The following FBXW10 variants were observed in gnomAD, a reference collection of about 807,000 sequenced individuals.
The protein encoded by FBXW10 is F-box and WD repeat domain containing 10.
Under a neutral mutation model 113.1 loss-of-function variants are expected in FBXW10, and 68 were observed. That is an observed-to-expected ratio of 0.60 (90% confidence interval 0.49 to 0.74). FBXW10 has a LOEUF of 0.74. Among genes scored for constraint, FBXW10 ranks in the 30% least tolerant of loss-of-function variants. The pLI, the probability that FBXW10 is intolerant of heterozygous loss-of-function variation, is 0.00. For missense variants in FBXW10, 753 were observed against 1,284.5 expected (o/e 0.59, Z 6.32); for synonymous variants, 289 against 481.6 (o/e 0.60, Z 5.24).
At chr17:18,761,247 G>A (rs1391321292) in intron 7 of FBXW10, among the ~76,000 whole-genome samples, 1 of 151,732 alleles carries the variant, frequency 6.6e-6, no homozygotes, top group Non-Finnish European at 1.5e-5. Flanking sequence ...GACGGGGAGG[G>A]AAATTCTACT....
At chr17:18,758,626 T>A (rs2035320246) in intron 7 of FBXW10, 121 bp downstream of exon 7, 1 of 626,778 alleles carries the variant, frequency 1.6e-6, no homozygotes, top group African/African-American at 3.4e-5. Context: ...TACTGACTTC[T>A]AGAATACCTT....
In FBXW10 at chr17:18,748,005, G is replaced by A. The variant is rs564583174; in HGVS notation, c.570G>A (p.Ala190=). 18 of 1,613,738 alleles carry A rather than the reference G, an allele frequency of 1.1e-5. No individual in the cohort carries two copies. Among genetic ancestry groups the A allele is most frequent in the Middle Eastern group, 3.3e-4 (2 of 6,056 alleles). ...AGAAAGACCACAGCTCCAAGTCTGCGACCTCACAAGTCTATTGGACAGCCA... is the reference window on the plus strand; with the variant it reads ...AGAAAGACCACAGCTCCAAGTCTGCAACCTCACAAGTCTATTGGACAGCCA... The part of the protein sequence containing the change: ...SPEKDHSSKS[A]TSQVYWTAKT... Residue 190 remains alanine, a synonymous_variant, in exon 2 of 14, where the codon GCG becomes GCA. Transcript: ENST00000395665.
chr17:18,759,594 A>G (rs1356303789), intron 7 of FBXW10, among the ~76,000 whole-genome samples: 1 of 151,282 alleles, frequency 6.6e-6, no homozygotes, highest in Non-Finnish European at 1.5e-5. Context: ...CTGTTGGTGG[A>G]CATTTGCATT....
intron 13 of FBXW10, among the ~76,000 whole-genome samples, chr17:18,776,054 C>T (rs2035692446): frequency 6.6e-6 from 1 of 151,496 alleles, no homozygotes; most frequent in Non-Finnish European, 1.5e-5. Context: ...CGCGGTGGCT[C>T]ACACCTGTAA....
intron 13 of FBXW10, among the ~76,000 whole-genome samples, chr17:18,776,878 A>G (rs1255415317): frequency 6.6e-6 from 1 of 152,162 alleles, no homozygotes; most frequent in East Asian, 1.9e-4. Flanking sequence ...TACAGCTAAA[A>G]ATTGTATGAT....
At chr17:18,753,659 G>A (rs1270774381) in intron 5 of FBXW10, among the ~76,000 whole-genome samples, 1 of 152,098 alleles carries the variant, frequency 6.6e-6, no homozygotes, top group African/African-American at 2.4e-5. Flanking sequence ...GATCACCTGA[G>A]GTCAGGAGTT....
At chr17:18,761,175 C>T (rs1362478423) in intron 7 of FBXW10, among the ~76,000 whole-genome samples, 2 of 152,050 alleles carry the variant, frequency 1.3e-5, no homozygotes, top group Admixed American at 1.3e-4. Flanking sequence ...AATCAAAATC[C>T]CCCTCCTTGA....
intron 12 of FBXW10, among the ~76,000 whole-genome samples, chr17:18,774,223 G>C (rs1334739944): frequency 6.6e-6 from 1 of 152,208 alleles, no homozygotes; most frequent in Non-Finnish European, 1.5e-5. Context: ...AGAGAGTCTG[G>C]TTAATGGAAA....
chr17:18,771,797 A>G (rs2035617420), intron 11 of FBXW10, among the ~76,000 whole-genome samples: 1 of 152,204 alleles, frequency 6.6e-6, no homozygotes, highest in Non-Finnish European at 1.5e-5. Flanking sequence ...CTCCAGGAAC[A>G]GAAATTCATT....
intron 2 of FBXW10, among the ~76,000 whole-genome samples, chr17:18,748,354 T>C (rs1489633218): frequency 7.3e-6 from 1 of 136,836 alleles, no homozygotes; most frequent in Non-Finnish European, 1.5e-5. Flanking sequence ...GAGCTTGCAG[T>C]GAGCCGAGAT....
chr17:18,762,318 CTTT>C (rs879044366), intron 7 of FBXW10, among the ~76,000 whole-genome samples: 1 of 136,686 alleles, frequency 7.3e-6, no homozygotes. Flanking sequence ...AATATATTAT[CTTT>C]TTTTTTTTTT....
chr17:18,772,537 G>C lies in FBXW10; in HGVS notation c.2132G>C (p.Ser711Thr), dbSNP rs545645738. 1.3e-5 allele frequency: 21 copies of C among 1,613,942 alleles called. No homozygotes were observed. Among genetic ancestry groups the C allele is most frequent in the African/African-American group, 1.1e-4 (8 of 74,906 alleles). ...KEKEEEKEEN[S>T]LMEILSKCNI... ...AAAGAGGAGGAAAAAGAAGAAAATAGTCTCATGGAAATTCTCTCTAAGTGT... is the reference window on the plus strand; with the variant it reads ...AAAGAGGAGGAAAAAGAAGAAAATACTCTCATGGAAATTCTCTCTAAGTGT... The change falls in exon 12 of 14, where the codon AGT becomes ACT. Residue 711 changes from serine to threonine, a missense_variant. Coordinates refer to ENST00000395665, the MANE Select transcript of FBXW10 (RefSeq NM_001267585.2).
Position 18,744,627 on chromosome 17 carries a change from G to C in FBXW10, c.383G>C (p.Ser128Thr). ...GAGATCTTGTACTGGTTTGCGAACAGCACCCAGTGGACCAAGGCGAATTAT... is the reference window on the plus strand; with the variant it reads ...GAGATCTTGTACTGGTTTGCGAACACCACCCAGTGGACCAAGGCGAATTAT... The part of the protein sequence containing the change: ...MKEILYWFAN[S>T]TQWTKANYTL... Residue 128 changes from serine to threonine, a missense_variant, in exon 1 of 14, where the codon AGC becomes ACC. Coordinates refer to ENST00000395665, the MANE Select transcript of FBXW10 (RefSeq NM_001267585.2). The C allele has an allele frequency of 1.9e-6, 3 of 1,613,972 alleles. No homozygotes were observed. The highest frequency in any genetic ancestry group is 2.5e-6 in the Non-Finnish European group (3 of 1,179,876).
Position 18,756,046 on chromosome 17 carries a change from A to G in FBXW10, c.1124A>G (p.Asn375Ser), listed in dbSNP as rs771037943. 10 of 1,613,658 alleles carry G rather than the reference A, an allele frequency of 6.2e-6. No individual in the cohort carries two copies. In the African/African-American group the frequency reaches 1.2e-4, roughly 19 times the overall value. ...TAACTTCAAATATTCCCTTGTTAGA[A>G]TGAGTACAACCTGTGGACTGCATAC... Reference protein sequence around the residue: ...KHPKWKLRTKNEYNLWTAYQN... With the variant: ...KHPKWKLRTKSEYNLWTAYQN... Residue 375 changes from asparagine to serine, a missense_variant and splice_region_variant, in exon 6 of 14, where the codon AAT becomes AGT. Transcript: ENST00000395665.
intron 1 of FBXW10, among the ~76,000 whole-genome samples, chr17:18,747,577 C>T (rs886289516): frequency 6.6e-6 from 1 of 151,764 alleles, no homozygotes; most frequent in Non-Finnish European, 1.5e-5. Flanking sequence ...AACAAACAAA[C>T]CAAAAAAAAG....
chr17:18,758,121 G>A (rs1162148301), intron 6 of FBXW10, among the ~76,000 whole-genome samples, 184 bp from the exon 7 acceptor site: 2 of 152,182 alleles, frequency 1.3e-5, no homozygotes, highest in African/African-American at 4.8e-5. Flanking sequence ...TTTTGTCATC[G>A]TGTGAGAGTG....
At chr17:18,775,236 G>A (rs769736616) in intron 13 of FBXW10, 44 bp downstream of exon 13, 1 of 1,279,056 alleles carries the variant, frequency 7.8e-7, no homozygotes, top group Admixed American at 1.7e-5. Context: ...CAAGTGGCAC[G>A]GATGGTGGGC....
intron 5 of FBXW10, among the ~76,000 whole-genome samples, chr17:18,755,428 G>A (rs931355255): frequency 3.3e-5 from 5 of 152,020 alleles, no homozygotes; most frequent in Non-Finnish European, 7.4e-5. Context: ...GGTGGTGCAC[G>A]CTTGTAGTCC....
rs1167077091 is a variant in FBXW10 at position 18,744,468 on chromosome 17, A to G, written c.224A>G (p.Asn75Ser). The G allele has an allele frequency of 6.2e-7, 1 of 1,613,860 alleles. No homozygotes were observed. Among genetic ancestry groups the G allele is most frequent in the Non-Finnish European group, 8.5e-7 (1 of 1,179,854 alleles). The change falls in exon 1 of 14, where the codon AAT becomes AGT. Residue 75 changes from asparagine (N) to serine (S), a missense_variant. Physicochemically the swap from Asn to Ser is conservative, Grantham distance 46. Transcript: ENST00000395665. ...NSLYLLHYFQNILQTTQGKDF... is the reference protein window; with the variant it reads ...NSLYLLHYFQSILQTTQGKDF... ...TTATATTTGTTACACTATTTCCAAA[A>G]TATCCTTCAGACCACACAGGGAAAG...
Sources: allele counts gnomAD v4.1 joint callset (sites outside exome capture counted in the v4.1 genomes callset), GRCh38; gene constraint gnomAD v4.1.1; transcripts MANE v1.5; gene names NCBI Gene and HGNC (gene_info 2026-07-23, HGNC 2026-07-21).